Variants in ANKH observed in about 807,000 individuals in gnomAD.
ANKH encodes mineralization regulator ANKH.
ANKH carries 15 observed loss-of-function variants against 49.0 expected under a neutral mutation model. That is an observed-to-expected ratio of 0.31 (90% CI 0.20 to 0.47). ANKH has a LOEUF of 0.47. ANKH is among the 20% of genes least tolerant of loss of function. The probability of loss-of-function intolerance (pLI) is 1.00; values close to 1 mark genes in which losing one functional copy is unlikely to be tolerated. For missense variants in ANKH, 429 were observed against 652.0 expected, an observed-to-expected ratio of 0.66 and a Z score of 3.72; for synonymous variants, 273 against 260.0, an observed-to-expected ratio of 1.05 and a Z score of -0.48.
chr5:14,785,345 C>A (rs1389678025), intron 1 of ANKH, among the ~76,000 whole-genome samples: 2 of 152,142 alleles, frequency 1.3e-5, no homozygotes, highest in African/African-American at 2.4e-5. Flanking sequence ...AATGGTTCAG[C>A]ACCATGGTGA....
chr5:14,871,218 G>T, intron 1 of ANKH, 134 bp downstream of exon 1: 1 of 781,636 alleles, frequency 1.3e-6, no homozygotes, highest in Non-Finnish European at 2.2e-6. Context: ...AGTCACCCTT[G>T]ACAAGCTGCA....
At chr5:14,746,396 T>C (rs902986492) in intron 6 of ANKH, among the ~76,000 whole-genome samples, 1 of 151,986 alleles carries the variant, frequency 6.6e-6, no homozygotes, top group Non-Finnish European at 1.5e-5. Context: ...GATGAAATTA[T>C]AGGAAGTCGG....
intron 2 of ANKH, among the ~76,000 whole-genome samples, chr5:14,767,651 A>G (rs1739299434): frequency 1.3e-5 from 2 of 152,348 alleles, no homozygotes; most frequent in South Asian, 4.1e-4. Context: ...GTTTAGTCCC[A>G]AAGTTTCATC....
intron 1 of ANKH, among the ~76,000 whole-genome samples, chr5:14,852,258 G>A (rs1275681881): frequency 1.3e-5 from 2 of 152,202 alleles, no homozygotes; most frequent in Non-Finnish European, 2.9e-5. Flanking sequence ...CTCCAGCCTG[G>A]GTGACAGTGA....
At chr5:14,831,728 T>A (rs900870510) in intron 1 of ANKH, among the ~76,000 whole-genome samples, 2 of 152,146 alleles carry the variant, frequency 1.3e-5, no homozygotes, top group African/African-American at 4.8e-5. Flanking sequence ...AAACTTATTA[T>A]CCTGCAGCAA....
intron 1 of ANKH, among the ~76,000 whole-genome samples, chr5:14,781,771 C>T (rs1225858024): frequency 1.3e-5 from 2 of 152,148 alleles, no homozygotes; most frequent in Non-Finnish European, 2.9e-5. Context: ...GCTTCCTGTG[C>T]CATTTAAGAA....
intron 1 of ANKH, among the ~76,000 whole-genome samples, chr5:14,852,039 T>G (rs1742136608): frequency 6.6e-6 from 1 of 152,204 alleles, no homozygotes; most frequent in Non-Finnish European, 1.5e-5. Context: ...TCCAGCACTT[T>G]CAGAGGCTAA....
In ANKH at chr5:14,708,157, C is replaced by G. The variant is rs1737013053; in HGVS notation, c.*3040G>C. ...TAAGTCACTACAGAACAAATGGCAA[C>G]TGCACATTTAGGATGACGTCCCTTG... On this transcript the variant is annotated 3_prime_UTR_variant, in exon 12 of 12. Transcript: ENST00000284268. 1 of 152,278 alleles carries G rather than the reference C, an allele frequency of 6.6e-6. No homozygotes were observed. The highest frequency in any genetic ancestry group is 2.4e-5 in the African/African-American group (1 of 41,470). 9.4% of individuals were successfully genotyped at this position (152,278 alleles called of 1,614,324 possible).
intron 1 of ANKH, among the ~76,000 whole-genome samples, chr5:14,818,422 A>G (rs1168107881): frequency 2.6e-5 from 4 of 151,864 alleles, no homozygotes; most frequent in African/African-American, 4.8e-5. Context: ...GGTATGGATC[A>G]CCTGAGGTCA....
At chr5:14,820,957 G>A (rs1485440757) in intron 1 of ANKH, among the ~76,000 whole-genome samples, 2 of 152,100 alleles carry the variant, frequency 1.3e-5, no homozygotes, top group Non-Finnish European at 2.9e-5. Context: ...AAATTAGCTG[G>A]GGGTGGTGGT....
intron 1 of ANKH, among the ~76,000 whole-genome samples, chr5:14,861,824 A>T (rs2250716): frequency 0.081 from 12,393 of 152,254 alleles, 968 homozygotes; most frequent in African/African-American, 0.21. Flanking sequence ...GTCCCTAGGG[A>T]CCCTGAACCA....
rs576614464 is a variant in ANKH at position 14,819,593 on chromosome 5, C to T, written c.97-50402G>A. On this transcript the variant is annotated intron_variant, in intron 1 of 11. Transcript: ENST00000284268. Reference sequence around the variant, plus strand: ...AAATACGTGAAGCCTTGGCTGGGCACGGTGACTCATGCCTGTAATCCCAGC... The same window carrying T: ...AAATACGTGAAGCCTTGGCTGGGCATGGTGACTCATGCCTGTAATCCCAGC... Among the ~76,000 whole-genome samples, 10 of 152,208 alleles carry T rather than the reference C, an allele frequency of 6.6e-5. No individual in the cohort carries two copies. In the South Asian group the frequency reaches 1.9e-3, roughly 28 times the overall value.
At chr5:14,869,611 A>ATAGT (rs777407088) in intron 1 of ANKH, 8 of 152,216 alleles carry the variant, frequency 5.3e-5, no homozygotes, top group Non-Finnish European at 1.2e-4. Flanking sequence ...AACCATCTGG[A>ATAGT]TAGTTGTCTC....
intron 2 of ANKH, among the ~76,000 whole-genome samples, chr5:14,761,094 C>T (rs905786908): frequency 6.6e-6 from 1 of 152,052 alleles, no homozygotes; most frequent in South Asian, 2.1e-4. Context: ...ACGCAGAAAC[C>T]GGGGTGACTC....
intron 8 of ANKH, among the ~76,000 whole-genome samples, chr5:14,733,758 G>A (rs1236056816): frequency 4.6e-5 from 7 of 152,234 alleles, no homozygotes; most frequent in Non-Finnish European, 1.0e-4. Flanking sequence ...CACGGGGAAA[G>A]TGCTCGTGTG....
chr5:14,742,227 T>C (rs1738384611), intron 7 of ANKH, among the ~76,000 whole-genome samples: 1 of 152,228 alleles, frequency 6.6e-6, no homozygotes. Flanking sequence ...TGAAGCCTGC[T>C]CCTGCCCCAT....
intron 1 of ANKH, among the ~76,000 whole-genome samples, chr5:14,822,926 C>T (rs543010397): frequency 2.6e-5 from 4 of 151,888 alleles, no homozygotes; most frequent in African/African-American, 4.8e-5. Context: ...CCCAGCTACT[C>T]GGGAGGCTGA....
At chr5:14,811,041 A>G (rs1480946049) in intron 1 of ANKH, among the ~76,000 whole-genome samples, 8 of 152,156 alleles carry the variant, frequency 5.3e-5, no homozygotes, top group Non-Finnish European at 1.2e-4. Context: ...CAAAAGATAA[A>G]TCATGGTCCT....
chr5:14,794,223 A>G (rs2126550101), intron 1 of ANKH, among the ~76,000 whole-genome samples: 1 of 152,346 alleles, frequency 6.6e-6, no homozygotes, highest in South Asian at 2.1e-4. Flanking sequence ...TTTTCAAAGG[A>G]CAGTTATTTT....
Sources: allele counts gnomAD v4.1 joint callset (sites outside exome capture counted in the v4.1 genomes callset), GRCh38; gene constraint gnomAD v4.1.1; transcripts MANE v1.5; gene names NCBI Gene and HGNC (gene_info 2026-07-23, HGNC 2026-07-21).